DEPDC5: variants seen among roughly 807,000 people sequenced by gnomAD.
DEPDC5 encodes the protein DEP domain containing 5, GATOR1 subcomplex subunit.
DEPDC5 carries 73 observed loss-of-function variants against 217.3 expected under a neutral mutation model. The ratio of observed to expected loss-of-function variants is 0.34; its 90% CI spans 0.28 to 0.41. The LOEUF (loss-of-function observed/expected upper bound fraction) is 0.41. Among genes scored for constraint, DEPDC5 ranks in the 10% least tolerant of loss-of-function variants. The pLI is 1.00. For synonymous variants in DEPDC5, 733 were observed against 756.7 expected (o/e 0.97, Z 0.51); for missense variants, 1,675 against 2,070.1 (o/e 0.81, Z 3.70).
chr22:31,906,330 G>A lies in DEPDC5; in HGVS notation c.4645G>A (p.Ala1549Thr). ...FCEERVGYNW[A>T]YNTMLTKTWR... ...CGAGGAGCGGGTCGGCTACAACTGG[G>A]CCTACAACACCATGCTCACCAAAAC... The change falls in exon 43 of 43, where the codon GCC becomes ACC. Residue 1549 changes from alanine (A) to threonine (T), a missense_variant. Around this residue, in one of 11 missense-constraint regions of DEPDC5, gnomAD observed 42 missense variants for 27.7 expected, o/e 1.51. Coordinates refer to ENST00000651528, the MANE Select transcript of DEPDC5 (RefSeq NM_001242896.3). This position sits in a 1 kb window ranked among gnomAD's most constrained non-coding sequence, Gnocchi z 5.1. The A allele has an allele frequency of 6.2e-7, 1 of 1,614,006 alleles. No homozygotes were observed. Among genetic ancestry groups the A allele is most frequent in the Non-Finnish European group, 8.5e-7 (1 of 1,179,936 alleles).
intron 38 of DEPDC5, among the ~76,000 whole-genome samples, chr22:31,882,266 G>A (rs1270446977): frequency 3.3e-5 from 5 of 152,030 alleles, no homozygotes; most frequent in Non-Finnish European, 5.9e-5. Flanking sequence ...TCATCTCTGC[G>A]GAACAAGGAA....
In DEPDC5 at chr22:31,769,440, G is replaced by A. The variant is rs193058322; in HGVS notation, c.413+577G>A. 3 of 152,066 alleles carry A rather than the reference G, an allele frequency of 2.0e-5. No individual in the cohort carries two copies. The East Asian group carries it at 5.8e-4, about 29-fold the overall frequency. 9.4% of individuals were successfully genotyped at this position (152,066 alleles called of 1,614,324 possible). A position where few individuals can be genotyped will look rare whatever the true frequency, so the allele number is the denominator to read the frequency against. On this transcript the variant is annotated intron_variant, in intron 7 of 42. Coordinates refer to ENST00000651528, the MANE Select transcript of DEPDC5 (RefSeq NM_001242896.3). ...TTTTACAACTGGAAAAACCCTAGAT[G>A]CACGTATTGAATCATACTTTCTCAT...
intron 33 of DEPDC5, 90 bp from the exon 34 acceptor site, chr22:31,870,500 T>TA: frequency 7.5e-7 from 1 of 1,325,310 alleles, no homozygotes; most frequent in South Asian, 1.9e-5. Flanking sequence ...TGTGAATGCT[T>TA]ACTGAGTGAA....
intron 33 of DEPDC5, among the ~76,000 whole-genome samples, chr22:31,867,549 C>G (rs981394950): frequency 1.3e-5 from 2 of 152,190 alleles, no homozygotes; most frequent in East Asian, 3.8e-4. Context: ...GAGCAGAGGT[C>G]AGGAAACTAT....
chr22:31,786,615 T>G (rs2085022018), intron 10 of DEPDC5, among the ~76,000 whole-genome samples: 1 of 151,898 alleles, frequency 6.6e-6, no homozygotes, highest in African/African-American at 2.4e-5. Context: ...AACTGAATTT[T>G]TTTTTAAGAG....
intron 3 of DEPDC5, among the ~76,000 whole-genome samples, chr22:31,759,306 AG>A (rs1375240253): frequency 6.6e-6 from 1 of 151,106 alleles, no homozygotes; most frequent in African/African-American, 2.4e-5. Flanking sequence ...CCATCCTGCT[AG>A]GCCTCCCAAA....
chr22:31,849,980 A>T (rs1040861127), intron 31 of DEPDC5, among the ~76,000 whole-genome samples: 3 of 151,948 alleles, frequency 2.0e-5, no homozygotes, highest in Admixed American at 6.6e-5. Context: ...ATCACTGGGC[A>T]TGGTGGCGCA....
intron 2 of DEPDC5, 141 bp downstream of exon 2, chr22:31,755,120 A>G (rs1161610427): frequency 1.0e-5 from 9 of 866,088 alleles, no homozygotes; most frequent in East Asian, 2.5e-5. Flanking sequence ...ACTGTCATAC[A>G]GTAACAATAG....
chr22:31,887,092 AAAAAG>A (rs922006448), intron 38 of DEPDC5, among the ~76,000 whole-genome samples: 8 of 151,162 alleles, frequency 5.3e-5, no homozygotes, highest in African/African-American at 1.9e-4. Flanking sequence ...CGAAAAAAAA[AAAAAG>A]AGAGAGAGAG....
At chr22:31,836,891 C>T in intron 25 of DEPDC5, 81 bp from the exon 26 acceptor site, 1 of 1,272,416 alleles carries the variant, frequency 7.9e-7, no homozygotes, top group Non-Finnish European at 1.1e-6. Context: ...CCACTCTTCC[C>T]TCCCCTTCCC....
At chr22:31,783,082 A>G (rs1204024865) in intron 8 of DEPDC5, among the ~76,000 whole-genome samples, 2 of 152,124 alleles carry the variant, frequency 1.3e-5, no homozygotes, top group African/African-American at 2.4e-5. Flanking sequence ...AAATGCACCA[A>G]TCAGCGCTCT....
intron 29 of DEPDC5, among the ~76,000 whole-genome samples, chr22:31,844,115 A>C (rs2091567810): frequency 6.6e-6 from 1 of 152,072 alleles, no homozygotes; most frequent in African/African-American, 2.4e-5. Flanking sequence ...AATCCCAACT[A>C]CTTGGGAGAC....
intron 38 of DEPDC5, among the ~76,000 whole-genome samples, chr22:31,887,613 C>T (rs2093347773): frequency 6.6e-6 from 1 of 152,046 alleles, no homozygotes; most frequent in Admixed American, 6.6e-5. Flanking sequence ...CCTGGGAAAA[C>T]ATCCTTTTGT....
intron 36 of DEPDC5, chr22:31,875,881 C>G (rs528233872): frequency 1.0e-4 from 29 of 285,410 alleles, no homozygotes; most frequent in African/African-American, 6.3e-4. Flanking sequence ...GATCCACCCC[C>G]CTCAGCCTCC....
At chr22:31,758,670 C>A (rs752540695) in intron 3 of DEPDC5, 37 bp downstream of exon 3, 1 of 1,579,256 alleles carries the variant, frequency 6.3e-7, no homozygotes, top group South Asian at 1.1e-5. Context: ...CTGGGCAATT[C>A]ACTGTTTCCA....
chr22:31,781,712 G>A (rs1161244688), intron 8 of DEPDC5, among the ~76,000 whole-genome samples: 1 of 151,872 alleles, frequency 6.6e-6, no homozygotes, highest in Non-Finnish European at 1.5e-5. Context: ...TTACAGGCAT[G>A]AGCCACCACA....
intron 35 of DEPDC5, chr22:31,873,873 A>G (rs772232416): frequency 4.6e-6 from 1 of 219,140 alleles, no homozygotes; most frequent in Non-Finnish European, 8.9e-6. Flanking sequence ...GCTCACTGCA[A>G]CCTCCACCTC....
chr22:31,814,202 G>GT (rs2088798081), intron 20 of DEPDC5: 1 of 152,076 alleles, frequency 6.6e-6, no homozygotes, highest in Non-Finnish European at 1.5e-5. Context: ...ATACTTCAGC[G>GT]TAAGTTTCTT....
At chr22:31,778,349 A>G (rs1163514218) in intron 8 of DEPDC5, among the ~76,000 whole-genome samples, 181 bp downstream of exon 8, 1 of 152,132 alleles carries the variant, frequency 6.6e-6, no homozygotes. Context: ...TTAGCCAGGC[A>G]TGGTGATGGG....
Sources: allele counts gnomAD v4.1 joint callset (sites outside exome capture counted in the v4.1 genomes callset), GRCh38; gene constraint gnomAD v4.1.1; regional missense constraint gnomAD v4.1.1; non-coding constraint Gnocchi (gnomAD v3.1); transcripts MANE v1.5; gene names NCBI Gene and HGNC (gene_info 2026-07-23, HGNC 2026-07-21).